Variants in ZMYND8 observed in about 807,000 individuals in gnomAD.
ZMYND8 encodes the protein MYND-type zinc finger-containing chromatin reader ZMYND8.
Under a neutral mutation model 140.8 loss-of-function variants are expected in ZMYND8, and 37 were observed. That is an observed-to-expected ratio of 0.26 (90% CI 0.20 to 0.35). The LOEUF is 0.35. Ranked by LOEUF, ZMYND8 falls within the 10% of genes least tolerant of loss-of-function variation. The probability of loss-of-function intolerance (pLI) is 1.00; values close to 1 mark genes in which losing one functional copy is unlikely to be tolerated. For missense variants in ZMYND8, 1,068 were observed against 1,570.0 expected (o/e 0.68, Z 5.40); for synonymous variants, 592 against 597.1 (o/e 0.99, Z 0.12).
At chr20:47,345,367 G>C (rs1458932742) in intron 2 of ZMYND8, among the ~76,000 whole-genome samples, 1 of 152,068 alleles carries the variant, frequency 6.6e-6, no homozygotes, top group East Asian at 1.9e-4. Context: ...AATGGCACAA[G>C]GTGAACAGAA....
At chr20:47,226,498 A>C (rs2037731117) in intron 18 of ZMYND8, among the ~76,000 whole-genome samples, 1 of 152,230 alleles carries the variant, frequency 6.6e-6, no homozygotes, top group East Asian at 1.9e-4. Flanking sequence ...AGCAGTGCAC[A>C]GGAAGCATCC....
At chr20:47,239,617 G>A (rs909337792) in intron 14 of ZMYND8, among the ~76,000 whole-genome samples, 14 of 152,198 alleles carry the variant, frequency 9.2e-5, no homozygotes, top group Non-Finnish European at 1.8e-4. Flanking sequence ...GAGCCAGATG[G>A]CCTCCCAATG....
intron 14 of ZMYND8, among the ~76,000 whole-genome samples, chr20:47,242,352 T>TG (rs1446291446): frequency 1.3e-5 from 2 of 152,172 alleles, no homozygotes; most frequent in Non-Finnish European, 2.9e-5. Context: ...GGGGTGGGTC[T>TG]GGAAGGAGAG....
chr20:47,246,291 C>A lies in ZMYND8; in HGVS notation c.2001G>T (p.Glu667Asp). Residue 667 changes from glutamate to aspartate, a missense_variant, in exon 14 of 23, where the codon GAG becomes GAT. This residue lies in a region of ZMYND8 where 383 missense variants were observed against 431.2 expected (regional missense o/e 0.89). Coordinates refer to ENST00000471951, the MANE Select transcript of ZMYND8 (RefSeq NM_001281775.3). ...KPTNPVEIKEELKSTSPASEK... is the reference protein window; with the variant it reads ...KPTNPVEIKEDLKSTSPASEK... ...CGCTGGCTGGTGACGTGCTTTTCAG[C>A]TCCTCTTTAATCTCCACTGGGTTTG... 6.2e-7 allele frequency: 1 copy of A among 1,614,168 alleles called. No individual in the cohort carries two copies. The highest frequency in any genetic ancestry group is 8.5e-7 in the Non-Finnish European group (1 of 1,180,046).
intron 2 of ZMYND8, among the ~76,000 whole-genome samples, chr20:47,314,642 AGG>A (rs2079230887): frequency 6.6e-6 from 1 of 152,230 alleles, no homozygotes; most frequent in African/African-American, 2.4e-5. Flanking sequence ...GAGGAACGCT[AGG>A]GTATGTGTAT....
At chr20:47,318,811 T>C (rs899626834) in intron 2 of ZMYND8, 3 of 570,086 alleles carry the variant, frequency 5.3e-6, no homozygotes, top group Non-Finnish European at 9.1e-6. Flanking sequence ...AGAGCCGGGA[T>C]AGGGAGGGCT....
At chr20:47,261,325 C>T (rs952259852) in intron 12 of ZMYND8, among the ~76,000 whole-genome samples, 1 of 151,992 alleles carries the variant, frequency 6.6e-6, no homozygotes, top group Non-Finnish European at 1.5e-5. Flanking sequence ...CTGCTTGAGG[C>T]CAAGAGTTCA....
intron 15 of ZMYND8, chr20:47,237,408 T>G (rs888507751): frequency 6.6e-6 from 1 of 152,036 alleles, no homozygotes; most frequent in Non-Finnish European, 1.5e-5. Context: ...TCTGCCTGCC[T>G]TGGCCTCCCA....
intron 2 of ZMYND8, among the ~76,000 whole-genome samples, chr20:47,347,226 T>A (rs2082410625): frequency 6.6e-6 from 1 of 152,226 alleles, no homozygotes; most frequent in South Asian, 2.1e-4. Flanking sequence ...GAATAACTGC[T>A]TCATTTTGGG....
intron 8 of ZMYND8, chr20:47,285,910 G>A (rs2076889520): frequency 2.2e-6 from 2 of 910,914 alleles, no homozygotes; most frequent in South Asian, 1.0e-4. Context: ...ACAGACATAA[G>A]CCGGGCTTGG....
rs960045063 is a variant in ZMYND8, at chr20:47,227,064, C to T, written c.3016+139G>A. On this transcript the variant is annotated intron_variant, in intron 18 of 22. Coordinates refer to ENST00000471951, the MANE Select transcript of ZMYND8 (RefSeq NM_001281775.3). The stretch of plus-strand genomic sequence containing the variant: ...CCTGGTTTCTCCAGGCCCAGACTCT[C>T]AGGATTCTGTGGTCTCCCTACGAGT... The T allele has an allele frequency of 5.5e-6, 5 of 901,764 alleles. No individual in the cohort carries two copies. In the African/African-American group the frequency reaches 6.6e-5, roughly 12 times the overall value. 55.9% of individuals were successfully genotyped at this position (901,764 alleles called of 1,614,324 possible). A position where few individuals can be genotyped will look rare whatever the true frequency, so the allele number is the denominator to read the frequency against.
At position 47,212,693 on chromosome 20, in the gene ZMYND8, C is replaced by T. The variant is rs140064203; in HGVS notation, c.3517G>A (p.Ala1173Thr). The part of the protein sequence containing the change: ...SKRCDKQPAY[A>T]PTTTDHQPHP... Reference sequence around the variant, plus strand: ...GGCTGGTGGTCTGTGGTGGTTGGGGCATAGGCAGGTTGCTTGTCACACCTT... The same window carrying T: ...GGCTGGTGGTCTGTGGTGGTTGGGGTATAGGCAGGTTGCTTGTCACACCTT... Residue 1173 changes from alanine to threonine, a missense_variant, in exon 22 of 23, where the codon GCC becomes ACC. Ala to Thr is a moderately conservative substitution (Grantham distance 58). Transcript: ENST00000471951. 4.3e-6 allele frequency: 7 copies of T among 1,613,386 alleles called. No individual in the cohort carries two copies. The Admixed American group carries it at 8.3e-5, about 19-fold the overall frequency.
At chr20:47,340,611 T>G (rs1440752365) in intron 2 of ZMYND8, among the ~76,000 whole-genome samples, 6 of 151,424 alleles carry the variant, frequency 4.0e-5, no homozygotes, top group Non-Finnish European at 2.9e-5. Flanking sequence ...CTGGCCAACA[T>G]GGTGAAAACC....
chr20:47,225,202 C>T (rs2037512653), intron 18 of ZMYND8, among the ~76,000 whole-genome samples: 1 of 152,116 alleles, frequency 6.6e-6, no homozygotes, highest in Non-Finnish European at 1.5e-5. Flanking sequence ...CAAGATTTCT[C>T]TAATTTTACT....
chr20:47,224,071 T>C (rs1415016656), intron 19 of ZMYND8, among the ~76,000 whole-genome samples: 1 of 152,206 alleles, frequency 6.6e-6, no homozygotes, highest in Non-Finnish European at 1.5e-5. Flanking sequence ...CTACTGACAC[T>C]TTAGGCCTGA....
chr20:47,294,355 AAAAC>A (rs1399580692), intron 5 of ZMYND8, among the ~76,000 whole-genome samples: 4 of 144,600 alleles, frequency 2.8e-5, no homozygotes, highest in Non-Finnish European at 6.0e-5. Flanking sequence ...CCATCTCAGA[AAAAC>A]AAACAAACAA....
At chr20:47,309,301 A>T (rs2078734877) in intron 3 of ZMYND8, among the ~76,000 whole-genome samples, 1 of 150,454 alleles carries the variant, frequency 6.6e-6, no homozygotes, top group Admixed American at 6.7e-5. Flanking sequence ...AAAGAACCTA[A>T]ACCCTTCATT....
intron 14 of ZMYND8, among the ~76,000 whole-genome samples, chr20:47,239,662 A>G (rs1361159410): frequency 6.6e-6 from 1 of 152,156 alleles, no homozygotes; most frequent in African/African-American, 2.4e-5. Flanking sequence ...CCAGAAAGAA[A>G]AGTATTCTTT....
intron 16 of ZMYND8, among the ~76,000 whole-genome samples, chr20:47,234,318 G>A (rs1426904566): frequency 6.6e-6 from 1 of 152,238 alleles, no homozygotes. Flanking sequence ...CAAAGTGCTG[G>A]GATTACAGGT....
Sources: allele counts gnomAD v4.1 joint callset (sites outside exome capture counted in the v4.1 genomes callset), GRCh38; gene constraint gnomAD v4.1.1; regional missense constraint gnomAD v4.1.1; transcripts MANE v1.5; gene names NCBI Gene and HGNC (gene_info 2026-07-23, HGNC 2026-07-21).